Variants in RAB11B observed in about 807,000 individuals in gnomAD.
RAB11B encodes RAB11B, member RAS oncogene family, also known as ras-related protein Rab-11B.
In RAB11B, 7 loss-of-function variants were observed where a neutral mutation model predicts 23.7. That is an observed-to-expected ratio of 0.29 (90% confidence interval 0.17 to 0.55). The LOEUF (loss-of-function observed/expected upper bound fraction) is 0.55. RAB11B is among the 20% of genes least tolerant of loss of function. The pLI, the probability that RAB11B is intolerant of heterozygous loss-of-function variation, is 0.93. For synonymous variants in RAB11B, 138 were observed against 132.0 expected (o/e 1.05, Z -0.31); for missense variants, 189 against 320.0 (o/e 0.59, Z 3.12).
Position 8,402,500 on chromosome 19 carries a change from C to T in RAB11B, c.446C>T (p.Ser149Phe), listed in dbSNP as rs756581801. Reference protein sequence around the residue: ...ARAFAEKNNLSFIETSALDST... With the variant: ...ARAFAEKNNLFFIETSALDST... ...TTTGTTCCAGAAAAGAACAACTTGT[C>T]CTTCATCGAGACCTCAGCCTTGGAT... Residue 149 changes from serine to phenylalanine, a missense_variant, in exon 4 of 5, where the codon TCC becomes TTC. Ser to Phe is a radical substitution (Grantham distance 155). Transcript: ENST00000328024. The T allele has an allele frequency of 1.2e-6, 2 of 1,613,774 alleles. No homozygotes were observed. The highest frequency in any genetic ancestry group is 2.2e-5 in the East Asian group (1 of 44,884).
chr19:8,398,176 G>C (rs1971410901), intron 1 of RAB11B, among the ~76,000 whole-genome samples: 1 of 152,304 alleles, frequency 6.6e-6, no homozygotes, highest in East Asian at 1.9e-4. Context: ...CCCCTGGCCT[G>C]ACCAGCAGGC....
In RAB11B at chr19:8,390,393, G is replaced by A; in HGVS notation, c.-24G>A. ...TTTGTGGTGGGGCTGCGGAGTCGCC[G>A]ATCCCGCCGGAAGCGCCAGGACAAT... is the stretch of plus-strand genomic sequence containing the variant. On this transcript the variant is annotated 5_prime_UTR_variant, in exon 1 of 5. Transcript: ENST00000328024. 6.5e-7 allele frequency: 1 copy of A among 1,528,238 alleles called. No homozygotes were observed. The allele number at this position is 1,528,238 out of a possible 1,614,324, so 94.7% of individuals were successfully genotyped here.
chr19:8,392,445 G>C (rs1971362500), intron 1 of RAB11B, among the ~76,000 whole-genome samples: 1 of 151,540 alleles, frequency 6.6e-6, no homozygotes, highest in Admixed American at 6.6e-5. Flanking sequence ...GGCATTTGGC[G>C]GGCAGGCGGT....
At chr19:8,400,930 C>T (rs573815533) in intron 2 of RAB11B, among the ~76,000 whole-genome samples, 4 of 152,100 alleles carry the variant, frequency 2.6e-5, no homozygotes, top group South Asian at 4.1e-4. Context: ...CTTGCTCTGT[C>T]GCCCAGGCTG....
rs941028375 is a variant in RAB11B at position 8,396,067 on chromosome 19, C to G, written c.41-3796C>G. ...CCCATCCAAGCCTCAGTTTCCTCAT[C>G]TGTAAAAATGGGCTACAGGAGGCTT... On this transcript the variant is annotated intron_variant, in intron 1 of 4. Coordinates refer to ENST00000328024, the MANE Select transcript of RAB11B (RefSeq NM_004218.4). The surrounding 1 kb of genome is among the most constrained non-coding windows in gnomAD (Gnocchi z 5.0). 1.3e-5 allele frequency among the ~76,000 whole-genome samples: 2 copies of G among 152,234 alleles called. No homozygotes were observed. The highest frequency in any genetic ancestry group is 2.9e-5 in the Non-Finnish European group (2 of 68,048).
chr19:8,399,415 G>A (rs1435063035), intron 1 of RAB11B, among the ~76,000 whole-genome samples: 1 of 152,174 alleles, frequency 6.6e-6, no homozygotes, highest in Non-Finnish European at 1.5e-5. Context: ...CTCCTCCTGT[G>A]ACTGCCTTCC....
intron 4 of RAB11B, 61 bp from the exon 5 acceptor site, chr19:8,403,352 T>C (rs1160444559): frequency 1.3e-6 from 2 of 1,564,912 alleles, no homozygotes; most frequent in African/African-American, 2.7e-5. Context: ...AGGGAGGGGT[T>C]CCCCTCGGCA....
chr19:8,402,371 C>T, intron 3 of RAB11B, 92 bp downstream of exon 3: 1 of 1,536,056 alleles, frequency 6.5e-7, no homozygotes, highest in Non-Finnish European at 8.8e-7. Flanking sequence ...CCTGGCTTCC[C>T]TTCCCTGAGG....
At chr19:8,391,152 C>T (rs190485487) in intron 1 of RAB11B, among the ~76,000 whole-genome samples, 54 of 152,302 alleles carry the variant, frequency 3.5e-4, no homozygotes, top group African/African-American at 1.3e-3. Context: ...GCACTTTACC[C>T]GAATTAACTA....
chr19:8,397,123 TAAG>T (rs763978741), intron 1 of RAB11B, among the ~76,000 whole-genome samples: 89 of 152,092 alleles, frequency 5.9e-4, no homozygotes, highest in African/African-American at 1.9e-3. Context: ...TTAACCAAGA[TAAG>T]GAGGGTAGGT....
chr19:8,401,963 A>G (rs896597485), intron 2 of RAB11B, 123 bp from the exon 3 acceptor site: 31 of 967,060 alleles, frequency 3.2e-5, no homozygotes, highest in Non-Finnish European at 4.2e-5. Flanking sequence ...TGAGGCCACA[A>G]TGACTGCCCC....
chr19:8,402,852 A>T (rs1971449453), intron 4 of RAB11B: 1 of 550,260 alleles, frequency 1.8e-6, no homozygotes, highest in Non-Finnish European at 3.2e-6. Context: ...TAGTAGAGAC[A>T]GGATTTCACA....
chr19:8,403,625 C>T lies in RAB11B; in HGVS notation c.*67C>T. ...GCCCCCGCCACGGTATCCTCTGGCCCCTCCCTGCTGTCCCTCTGTGGCCGG... is the reference window on the plus strand; with the variant it reads ...GCCCCCGCCACGGTATCCTCTGGCCTCTCCCTGCTGTCCCTCTGTGGCCGG... On this transcript the variant is annotated 3_prime_UTR_variant, in exon 5 of 5. Coordinates refer to ENST00000328024, the MANE Select transcript of RAB11B (RefSeq NM_004218.4). 1 of 1,550,008 alleles carries T rather than the reference C, an allele frequency of 6.5e-7. No homozygotes were observed. The highest frequency in any genetic ancestry group is 8.7e-7 in the Non-Finnish European group (1 of 1,143,878).
rs966225740 is a variant in RAB11B at position 8,396,013 on chromosome 19, A to G, written c.41-3850A>G. On this transcript the variant is annotated intron_variant, in intron 1 of 4. Transcript: ENST00000328024. The surrounding 1 kb of genome is among the most constrained non-coding windows in gnomAD (Gnocchi z 5.0). Reference sequence around the variant, plus strand: ...CGAGCCCACAAACATGCATAGCTTCAGGGTCCTGCTCTGCCCCGCACCCCG... The same window carrying G: ...CGAGCCCACAAACATGCATAGCTTCGGGGTCCTGCTCTGCCCCGCACCCCG... 6.6e-6 allele frequency among the ~76,000 whole-genome samples: 1 copy of G among 152,214 alleles called. No individual in the cohort carries two copies. Among genetic ancestry groups the G allele is most frequent in the Non-Finnish European group, 1.5e-5 (1 of 68,034 alleles).
intron 4 of RAB11B, chr19:8,402,865 GT>G: frequency 1.9e-6 from 1 of 531,030 alleles, no homozygotes; most frequent in Non-Finnish European, 3.3e-6. Context: ...ATTTCACAAT[GT>G]TGTCCAGGTT....
chr19:8,401,746 TC>T (rs1568229155), intron 2 of RAB11B, among the ~76,000 whole-genome samples: 2 of 150,726 alleles, frequency 1.3e-5, no homozygotes, highest in South Asian at 4.2e-4. Flanking sequence ...GGTCTGAAAC[TC>T]CCAGCCTCAA....
intron 1 of RAB11B, among the ~76,000 whole-genome samples, chr19:8,393,504 T>C (rs1364877703): frequency 2.0e-5 from 3 of 152,204 alleles, no homozygotes; most frequent in Non-Finnish European, 4.4e-5. Flanking sequence ...CTTTCTGTGC[T>C]GAGGCTCCTG....
chr19:8,401,473 C>T (rs536423462), intron 2 of RAB11B, among the ~76,000 whole-genome samples: 3 of 149,640 alleles, frequency 2.0e-5, no homozygotes, highest in East Asian at 4.1e-4. Flanking sequence ...CCGCCCCCCG[C>T]CCCCCAGGGT....
intron 1 of RAB11B, among the ~76,000 whole-genome samples, chr19:8,395,299 A>G (rs1185848522): frequency 2.4e-5 from 3 of 122,666 alleles, no homozygotes; most frequent in Admixed American, 1.9e-4. Context: ...TTTGAGATGG[A>G]GTCTCGCTGT....
Sources: allele counts gnomAD v4.1 joint callset (sites outside exome capture counted in the v4.1 genomes callset), GRCh38; gene constraint gnomAD v4.1.1; non-coding constraint Gnocchi (gnomAD v3.1); transcripts MANE v1.5; gene names NCBI Gene and HGNC (gene_info 2026-07-23, HGNC 2026-07-21).